The following ADCY10 variants were observed in gnomAD, a reference collection of about 807,000 sequenced individuals.
ADCY10 encodes the protein adenylate cyclase 10.
In ADCY10, 156 loss-of-function variants were observed where a neutral mutation model predicts 183.3. That is an observed-to-expected ratio of 0.85 (90% CI 0.75 to 0.97). The LOEUF is 0.97. Among genes scored for constraint, ADCY10 ranks in the 50% least tolerant of loss-of-function variants. The pLI is 0.00. For missense variants in ADCY10, 1,745 were observed against 1,934.3 expected (o/e 0.90, Z 1.84); for synonymous variants, 645 against 670.0 (o/e 0.96, Z 0.58).
At chr1:167,820,252 C>T in intron 30 of ADCY10, 1 of 1,506,698 alleles carries the variant, frequency 6.6e-7, no homozygotes. Flanking sequence ...GGTCCATCGT[C>T]GTCGCCACCA....
chr1:167,866,478 C>T (rs1666694539), intron 14 of ADCY10, among the ~76,000 whole-genome samples: 1 of 146,446 alleles, frequency 6.8e-6, no homozygotes, highest in African/African-American at 2.5e-5. Context: ...AAACTCAGGT[C>T]GGCCCCAGCC....
intron 25 of ADCY10, among the ~76,000 whole-genome samples, chr1:167,830,842 G>A (rs889253990): frequency 6.6e-6 from 1 of 152,182 alleles, no homozygotes; most frequent in African/African-American, 2.4e-5. Flanking sequence ...TGACATAGAT[G>A]CATATCTGAT....
At chr1:167,900,335 AAC>A (rs1368212922) in intron 5 of ADCY10, among the ~76,000 whole-genome samples, 1 of 152,102 alleles carries the variant, frequency 6.6e-6, no homozygotes. Context: ...TTCTATCTGA[AAC>A]ACACTGATGT....
chr1:167,830,146 T>A (rs1663603768), intron 25 of ADCY10, among the ~76,000 whole-genome samples: 1 of 152,206 alleles, frequency 6.6e-6, no homozygotes, highest in African/African-American at 2.4e-5. Context: ...TTACTGAGTG[T>A]GAGACAATAC....
At chr1:167,897,466 C>T (rs887456453) in intron 6 of ADCY10, among the ~76,000 whole-genome samples, 1 of 149,496 alleles carries the variant, frequency 6.7e-6, no homozygotes, top group Non-Finnish European at 1.5e-5. Flanking sequence ...CACCTCACTC[C>T]CCACTGGGTG....
intron 13 of ADCY10, among the ~76,000 whole-genome samples, chr1:167,870,736 G>A (rs1558213222): frequency 1.3e-5 from 2 of 151,598 alleles, no homozygotes; most frequent in Non-Finnish European, 2.9e-5. Flanking sequence ...TTGAACCCAG[G>A]AGGCGGAGGT....
chr1:167,839,076 A>G (rs933306064), intron 21 of ADCY10, among the ~76,000 whole-genome samples: 7 of 152,188 alleles, frequency 4.6e-5, no homozygotes, highest in African/African-American at 1.7e-4. Flanking sequence ...AACTGCAAAA[A>G]ACTAATCTCC....
chr1:167,858,707 A>C (rs980626660), intron 16 of ADCY10, among the ~76,000 whole-genome samples: 1 of 152,166 alleles, frequency 6.6e-6, no homozygotes, highest in Non-Finnish European at 1.5e-5. Flanking sequence ...GTGACATTGA[A>C]AGATGAGCAC....
At chr1:167,853,830 C>CTTTT (rs538462140) in intron 18 of ADCY10, among the ~76,000 whole-genome samples, 7 of 77,190 alleles carry the variant, frequency 9.1e-5, no homozygotes, top group African/African-American at 2.8e-4. Flanking sequence ...ACTATAGTTA[C>CTTTT]TTTTTTTTTT....
intron 6 of ADCY10, among the ~76,000 whole-genome samples, chr1:167,899,158 G>A (rs926293553): frequency 6.6e-5 from 10 of 152,118 alleles, no homozygotes; most frequent in Non-Finnish European, 8.8e-5. Context: ...AAGGTCGCTA[G>A]CCCCTCAAAA....
At chr1:167,912,854 A>ACCTGATT (rs1214159410) in intron 1 of ADCY10, among the ~76,000 whole-genome samples, 2 of 152,166 alleles carry the variant, frequency 1.3e-5, no homozygotes, top group African/African-American at 2.4e-5. Flanking sequence ...TATGAAGTAG[A>ACCTGATT]CCTGATTTCT....
chr1:167,839,219 T>C (rs1343463246), intron 21 of ADCY10, among the ~76,000 whole-genome samples: 2 of 152,244 alleles, frequency 1.3e-5, no homozygotes, highest in African/African-American at 4.8e-5. Flanking sequence ...TCATTAGTAA[T>C]AGACAGCGAC....
intron 14 of ADCY10, among the ~76,000 whole-genome samples, chr1:167,866,780 CAA>C (rs902757288): frequency 1.5e-5 from 2 of 137,676 alleles, no homozygotes; most frequent in Admixed American, 7.2e-5. Flanking sequence ...TGGTTATCTT[CAA>C]AAAAAAAAAA....
chr1:167,855,914 G>A (rs1665853161), intron 17 of ADCY10, among the ~76,000 whole-genome samples: 1 of 152,160 alleles, frequency 6.6e-6, no homozygotes, highest in Admixed American at 6.5e-5. Flanking sequence ...GAGGCAGGAG[G>A]ATGGCTTGAG....
chr1:167,883,876 C>T (rs181476171), intron 8 of ADCY10, among the ~76,000 whole-genome samples: 297 of 152,296 alleles, frequency 2.0e-3, no homozygotes, highest in African/African-American at 6.5e-3. Context: ...CAACTGCTGG[C>T]TTCCTCATGC....
chr1:167,904,624 G>A (rs995480732), intron 2 of ADCY10: 2 of 529,780 alleles, frequency 3.8e-6, no homozygotes, highest in African/African-American at 3.8e-5. Flanking sequence ...GAGGTGGCAA[G>A]TTTATTAGTA....
chr1:167,864,344 C>G (rs1221813468), intron 14 of ADCY10, among the ~76,000 whole-genome samples: 1 of 152,108 alleles, frequency 6.6e-6, no homozygotes, highest in Non-Finnish European at 1.5e-5. Context: ...TACTATGACA[C>G]TAGAAAAACT....
intron 8 of ADCY10, among the ~76,000 whole-genome samples, chr1:167,885,455 T>C (rs1432824240): frequency 6.6e-6 from 1 of 152,238 alleles, no homozygotes; most frequent in African/African-American, 2.4e-5. Flanking sequence ...GCGTTTGTTA[T>C]TGCCTGTCTT....
Position 167,861,022 on chromosome 1 carries a change from G to A in ADCY10, c.1658C>T (p.Thr553Ile). The change falls in exon 15 of 33, where the codon ACT becomes ATT. Residue 553 changes from threonine to isoleucine, a missense_variant. Coordinates refer to ENST00000367851, the MANE Select transcript of ADCY10 (RefSeq NM_018417.6). ...ISLNKISFHQTFYTIQMFMAN... is the reference protein window; with the variant it reads ...ISLNKISFHQIFYTIQMFMAN... ...CATGAACATCTGGATGGTATAGAAAGTTTGATGGAAGCTGATCTTATTCAA... is the reference window on the plus strand; with the variant it reads ...CATGAACATCTGGATGGTATAGAAAATTTGATGGAAGCTGATCTTATTCAA... 6.2e-7 allele frequency: 1 copy of A among 1,614,198 alleles called. No individual in the cohort carries two copies. The highest frequency in any genetic ancestry group is 8.5e-7 in the Non-Finnish European group (1 of 1,180,016).
Sources: allele counts gnomAD v4.1 joint callset (sites outside exome capture counted in the v4.1 genomes callset), GRCh38; gene constraint gnomAD v4.1.1; transcripts MANE v1.5; gene names NCBI Gene and HGNC (gene_info 2026-07-23, HGNC 2026-07-21).